The following CASK variants were observed in gnomAD, a reference collection of about 807,000 sequenced individuals.
The protein encoded by CASK is calcium/calmodulin dependent serine protein kinase, also known as peripheral plasma membrane protein CASK.
In CASK, 4 loss-of-function variants were observed where a neutral mutation model predicts 82.9. That is an observed-to-expected ratio of 0.05 (90% CI 0.02 to 0.11). CASK has a LOEUF of 0.11. Ranked by LOEUF, CASK falls within the 10% of genes least tolerant of loss-of-function variation. The pLI, the probability that CASK is intolerant of heterozygous loss-of-function variation, is 1.00. For missense variants in CASK, 358 were observed against 720.9 expected (o/e 0.50, Z 5.76); for synonymous variants, 259 against 253.5 (o/e 1.02, Z -0.20).
chrX:41,776,990 T>C (rs2069376387), intron 3 of CASK, among the ~76,000 whole-genome samples: 1 of 111,954 alleles, frequency 8.9e-6, no homozygotes, highest in Non-Finnish European at 1.9e-5. Flanking sequence ...CCTTAAAACA[T>C]GGCTGAAGAA....
intron 2 of CASK, among the ~76,000 whole-genome samples, chrX:41,797,384 C>A (rs770282144): frequency 3.6e-5 from 4 of 110,068 alleles, no homozygotes; most frequent in Non-Finnish European, 7.6e-5. Flanking sequence ...CTTTAACAAT[C>A]TCCCAAGCTG....
rs2064612918 is a variant in CASK at position 41,519,925 on chromosome X, T to A, written c.*495A>T. 9.2e-6 allele frequency: 1 copy of A among 108,934 alleles called. No individual in the cohort carries two copies. Among genetic ancestry groups the A allele is most frequent in the African/African-American group, 3.3e-5 (1 of 29,981 alleles). 9.0% of individuals were successfully genotyped at this position (108,934 alleles called of 1,213,427 possible). On this transcript the variant is annotated 3_prime_UTR_variant, in exon 27 of 27. Transcript: ENST00000378163. ...AAAGGCCTTTAAAAATTTATGACTG[T>A]TTTGTAATCACTACACTAATTATTT...
chrX:41,697,120 G>A (rs1412196275), intron 5 of CASK: 7 of 155,529 alleles, frequency 4.5e-5, no homozygotes. Context: ...TTTGAAGTGT[G>A]TTTAAAAGTA....
chrX:41,853,723 C>T (rs958250661), intron 1 of CASK, among the ~76,000 whole-genome samples: 18 of 111,653 alleles, frequency 1.6e-4, no homozygotes, highest in African/African-American at 5.9e-4. Flanking sequence ...CCTCTTCTCT[C>T]CATGTCCCAC....
chrX:41,797,002 T>C (rs2069867966), intron 2 of CASK, among the ~76,000 whole-genome samples: 1 of 111,618 alleles, frequency 9.0e-6, no homozygotes, highest in Non-Finnish European at 1.9e-5. Flanking sequence ...CAGCAAGACA[T>C]TATAATCCCT....
In CASK at chrX:41,515,799, C is replaced by A. The variant is rs1211557173; in HGVS notation, c.*4621G>T. 1 of 112,346 alleles carries A rather than the reference C, an allele frequency of 8.9e-6. No homozygotes were observed. The highest frequency in any genetic ancestry group is 9.4e-5 in the Admixed American group (1 of 10,651). 9.3% of individuals were successfully genotyped at this position (112,346 alleles called of 1,213,427 possible). ...CCTCTGGGTCCAGAGAGGGTCACCC[C>A]TAAGCCTCTGTCAGTAAGAACACTG... On this transcript the variant is annotated 3_prime_UTR_variant, in exon 27 of 27. Transcript: ENST00000378163.
At chrX:41,529,379 AGCAGCAGCAGCAGCG>A (rs1396511674) in intron 25 of CASK, 5 of 172,895 alleles carry the variant, frequency 2.9e-5, no homozygotes, top group Admixed American at 6.8e-5. Flanking sequence ...CTATGGGTGG[AGCAGCAGCAGCAGCG>A]GCAGCAGCAG....
At chrX:41,787,561 A>C (rs759410256) in intron 2 of CASK, among the ~76,000 whole-genome samples, 45 of 109,795 alleles carry the variant, frequency 4.1e-4, no homozygotes, top group South Asian at 1.5e-3. Flanking sequence ...AAAAAAAAAA[A>C]AAAAAACAAA....
At position 41,718,437 on chromosome X, in the gene CASK, A is replaced by G. The variant is rs1413074250; in HGVS notation, c.429+20947T>C. On this transcript the variant is annotated intron_variant, in intron 5 of 26. Transcript: ENST00000378163. ...TTGCCACTGGCATCTGAAGGTAGGA[A>G]GAAGTCTTGGGGACTCAGCCTTCAA... Among the ~76,000 whole-genome samples, 15 of 112,314 alleles carry G rather than the reference A, an allele frequency of 1.3e-4. No homozygotes were observed. In the Admixed American group the frequency reaches 1.4e-3, roughly 11 times the overall value.
chrX:41,760,528 T>A (rs1282853992), intron 3 of CASK, among the ~76,000 whole-genome samples: 1 of 111,371 alleles, frequency 9.0e-6, no homozygotes, highest in Non-Finnish European at 1.9e-5. Context: ...AAGGGGATTA[T>A]TTTTTTAATT....
intron 11 of CASK, among the ~76,000 whole-genome samples, chrX:41,612,528 T>TGTGG: frequency 1.1e-5 from 1 of 93,429 alleles, no homozygotes; most frequent in Non-Finnish European, 2.1e-5. Context: ...GGGAAGGAGG[T>TGTGG]GGGGGTCAGC....
intron 3 of CASK, among the ~76,000 whole-genome samples, chrX:41,751,786 G>A (rs1322247836): frequency 9.0e-6 from 1 of 111,321 alleles, no homozygotes; most frequent in Non-Finnish European, 1.9e-5. Context: ...GCTCAGGCCT[G>A]TAATCCCAGC....
intron 2 of CASK, among the ~76,000 whole-genome samples, chrX:41,841,504 C>T (rs2147947503): frequency 9.5e-6 from 1 of 105,533 alleles, no homozygotes; most frequent in Admixed American, 1.0e-4. Context: ...TTATCTTTTT[C>T]CTTTTTGTTT....
intron 5 of CASK, among the ~76,000 whole-genome samples, chrX:41,700,395 T>C (rs2067769777): frequency 9.0e-6 from 1 of 111,007 alleles, no homozygotes; most frequent in Admixed American, 9.6e-5. Context: ...AACATGTTAA[T>C]GGGCTAATTA....
chrX:41,768,710 G>A (rs760064262), intron 3 of CASK, among the ~76,000 whole-genome samples: 62 of 111,907 alleles, frequency 5.5e-4, no homozygotes, highest in African/African-American at 2.0e-3. Context: ...GCTCATGCCT[G>A]TAATCCCTGC....
chrX:41,744,411 T>C (rs903555231), intron 4 of CASK, among the ~76,000 whole-genome samples: 1 of 108,174 alleles, frequency 9.2e-6, no homozygotes, highest in Admixed American at 9.9e-5. Context: ...AATGGCACGA[T>C]CTCTGCTCAA....
intron 1 of CASK, among the ~76,000 whole-genome samples, chrX:41,917,266 T>C (rs1281832625): frequency 1.8e-5 from 2 of 112,126 alleles, no homozygotes; most frequent in Non-Finnish European, 1.9e-5. Flanking sequence ...AATCTCAGTG[T>C]TCTCTGTAAA....
At chrX:41,589,653 T>C in intron 12 of CASK, 61 bp from the exon 13 acceptor site, 1 of 779,311 alleles carries the variant, frequency 1.3e-6, no homozygotes, top group Non-Finnish European at 2.0e-6. Context: ...AATCAGAGCT[T>C]CATATTTATT....
At chrX:41,828,325 T>C (rs1349065492) in intron 2 of CASK, among the ~76,000 whole-genome samples, 1 of 111,438 alleles carries the variant, frequency 9.0e-6, no homozygotes, top group Admixed American at 9.6e-5. Context: ...GTGCAAGAGA[T>C]GGGTATTTTC....
Sources: gnomAD v4.1 joint callset for allele counts (sites outside exome capture counted in the v4.1 genomes callset) on GRCh38, gnomAD v4.1.1 for gene constraint, MANE v1.5 for transcripts, NCBI Gene and HGNC (gene_info 2026-07-23, HGNC 2026-07-21) for gene names.